SGCD: variants seen among roughly 807,000 people sequenced by gnomAD.
SGCD encodes delta-sarcoglycan.
Under a neutral mutation model 36.6 loss-of-function variants are expected in SGCD, and 18 were observed. The ratio of observed to expected loss-of-function variants is 0.49; its 90% confidence interval spans 0.34 to 0.73. The LOEUF is 0.73. Among genes scored for constraint, SGCD ranks in the 30% least tolerant of loss-of-function variants. SGCD has a pLI of 0.01. For synonymous variants in SGCD, 133 were observed against 130.6 expected (o/e 1.02, Z -0.12); for missense variants, 387 against 346.7 (o/e 1.12, Z -0.92).
At chr5:156,592,367 C>T (rs922426414) in intron 5 of SGCD, among the ~76,000 whole-genome samples, 16 of 152,118 alleles carry the variant, frequency 1.1e-4, no homozygotes, top group African/African-American at 3.9e-4. Context: ...AACCCTAAAG[C>T]ACTGACAATA....
intron 7 of SGCD, among the ~76,000 whole-genome samples, chr5:156,688,857 G>A (rs551838047): frequency 6.6e-6 from 1 of 152,328 alleles, no homozygotes; most frequent in East Asian, 1.9e-4. Flanking sequence ...GTGCAAATAG[G>A]AACATTGAGG....
intron 4 of SGCD, among the ~76,000 whole-genome samples, chr5:156,538,708 G>C (rs1292817810): frequency 6.6e-6 from 1 of 152,032 alleles, no homozygotes; most frequent in Non-Finnish European, 1.5e-5. Context: ...GCCCAGAGTA[G>C]ATGCTAAATA....
At chr5:156,627,409 T>A (rs1012472488) in intron 6 of SGCD, among the ~76,000 whole-genome samples, 5 of 152,196 alleles carry the variant, frequency 3.3e-5, no homozygotes, top group Admixed American at 1.3e-4. Flanking sequence ...CTCAAATTAA[T>A]CATACTTACT....
intron 1 of SGCD, among the ~76,000 whole-genome samples, chr5:155,907,516 G>T (rs1756543785): frequency 1.3e-5 from 2 of 152,232 alleles, no homozygotes; most frequent in East Asian, 1.9e-4. Flanking sequence ...AGCAATGTTA[G>T]TAAGAGTTTG....
chr5:156,401,157 A>C (rs1295542770), intron 3 of SGCD, among the ~76,000 whole-genome samples: 1 of 152,230 alleles, frequency 6.6e-6, no homozygotes, highest in African/African-American at 2.4e-5. Context: ...ACTTAAGAGA[A>C]TATGCAAACA....
intron 3 of SGCD, among the ~76,000 whole-genome samples, chr5:156,412,787 C>CTTTT (rs35464853): frequency 2.9e-5 from 3 of 105,012 alleles, no homozygotes; most frequent in African/African-American, 3.9e-5. Flanking sequence ...AGGGTTGGTT[C>CTTTT]TTTTTTTTTT....
At chr5:156,211,613 A>C (rs1764445974) in intron 3 of SGCD, among the ~76,000 whole-genome samples, 1 of 151,922 alleles carries the variant, frequency 6.6e-6, no homozygotes, top group South Asian at 2.1e-4. Context: ...GACTCAAAAA[A>C]AAAAAAAAAA....
At chr5:155,729,383 A>C in the SGCD span, among the ~76,000 whole-genome samples, 2 of 152,222 alleles carry the variant, frequency 1.3e-5, no homozygotes, top group African/African-American at 4.8e-5. Flanking sequence ...CGCTTCACTA[A>C]AGAAAAAAGA....
intron 1 of SGCD, among the ~76,000 whole-genome samples, chr5:156,018,774 A>G (rs1759038599): frequency 6.6e-6 from 1 of 152,214 alleles, no homozygotes; most frequent in Admixed American, 6.5e-5. Context: ...TTCCTTTTTT[A>G]TGGACCTACT....
intron 4 of SGCD, among the ~76,000 whole-genome samples, chr5:156,587,477 C>T (rs1760541111): frequency 6.6e-6 from 1 of 152,136 alleles, no homozygotes; most frequent in Non-Finnish European, 1.5e-5. Flanking sequence ...AAAATCTGCA[C>T]CTTTCATACC....
intron 1 of SGCD, among the ~76,000 whole-genome samples, chr5:155,912,068 T>C (rs1756641640): frequency 6.6e-6 from 1 of 152,036 alleles, no homozygotes. Context: ...GAAAAGATGG[T>C]CAGTGATGTC....
At chr5:156,185,399 A>G (rs920512914) in intron 3 of SGCD, among the ~76,000 whole-genome samples, 3 of 151,808 alleles carry the variant, frequency 2.0e-5, no homozygotes, top group Non-Finnish European at 4.4e-5. Context: ...TATTTTTAGC[A>G]GAGACGGGGT....
intron 1 of SGCD, among the ~76,000 whole-genome samples, chr5:156,083,596 AT>A (rs60479128): frequency 0.23 from 30,642 of 135,140 alleles, 5,485 homozygotes; most frequent in East Asian, 0.48. Context: ...CACCCGGCCC[AT>A]TTTTTTTTTT....
At chr5:156,245,504 T>C (rs1304461673) in intron 3 of SGCD, among the ~76,000 whole-genome samples, 1 of 152,118 alleles carries the variant, frequency 6.6e-6, no homozygotes, top group Non-Finnish European at 1.5e-5. Flanking sequence ...TGTATTGAAC[T>C]AATAACATAA....
At chr5:156,411,224 A>G (rs775062273) in intron 3 of SGCD, among the ~76,000 whole-genome samples, 4 of 152,178 alleles carry the variant, frequency 2.6e-5, no homozygotes, top group African/African-American at 4.8e-5. Context: ...AGGTCGCACC[A>G]TTTATTTCTT....
At chr5:156,318,126 CAT>C (rs1767566637) in intron 3 of SGCD, among the ~76,000 whole-genome samples, 1 of 152,156 alleles carries the variant, frequency 6.6e-6, no homozygotes, top group African/African-American at 2.4e-5. Flanking sequence ...TAGACTCACA[CAT>C]TAACCAACTT....
intron 3 of SGCD, among the ~76,000 whole-genome samples, chr5:156,195,252 G>GT (rs1372321064): frequency 6.6e-6 from 1 of 152,150 alleles, no homozygotes; most frequent in African/African-American, 2.4e-5. Flanking sequence ...CTATTTATTA[G>GT]TCTTACAGTG....
chr5:156,513,630 A>G (rs1291154385), intron 4 of SGCD, among the ~76,000 whole-genome samples: 1 of 152,220 alleles, frequency 6.6e-6, no homozygotes, highest in Non-Finnish European at 1.5e-5. Context: ...TTTGTGTTGC[A>G]CTGATCTGAG....
At chr5:156,567,654 C>T (rs1581179839) in intron 4 of SGCD, among the ~76,000 whole-genome samples, 1 of 152,088 alleles carries the variant, frequency 6.6e-6, no homozygotes, top group East Asian at 1.9e-4. Context: ...ACCCAGAGTC[C>T]ACTACTTTAG....
Sources: gnomAD v4.1 joint callset for allele counts (sites outside exome capture counted in the v4.1 genomes callset) on GRCh38, gnomAD v4.1.1 for gene constraint, MANE v1.5 for transcripts, NCBI Gene and HGNC (gene_info 2026-07-23, HGNC 2026-07-21) for gene names.